The following ZCCHC4 variants were observed in gnomAD, a reference collection of about 807,000 sequenced individuals.
The protein encoded by ZCCHC4 is rRNA N(6)-adenosine-methyltransferase ZCCHC4.
A neutral mutation model predicts 67.7 loss-of-function variants in ZCCHC4; 54 were observed. The observed-to-expected ratio is 0.80, with a 90% CI of 0.64 to 1.00. The LOEUF (loss-of-function observed/expected upper bound fraction) is 1.00, where lower values mean the gene tolerates loss of function less well. Among genes scored for constraint, ZCCHC4 ranks in the 50% least tolerant of loss-of-function variants. ZCCHC4 has a pLI of 0.00. For synonymous variants in ZCCHC4, 198 were observed against 213.5 expected (o/e 0.93, Z 0.63); for missense variants, 609 against 617.0 (o/e 0.99, Z 0.14).
rs200547251 is a variant in ZCCHC4 at position 25,314,182 on chromosome 4, A to G, written c.246+18A>G. The G allele has an allele frequency of 1.5e-3, 2,213 of 1,517,948 alleles. 10 individuals are homozygous for G. The highest frequency in any genetic ancestry group is 1.6e-3 in the Non-Finnish European group (1,793 of 1,112,256). The allele number at this position is 1,517,948 out of a possible 1,614,324, so 94.0% of individuals were successfully genotyped here. On this transcript the variant is annotated intron_variant, in intron 2 of 12. Transcript: ENST00000302874. ...ATGAAAAGGTATATCAACTTTTTGG[A>G]TATTTATTTTTTATTTTTGGTATGT...
At chr4:25,352,167 C>T (rs1720330849) in intron 8 of ZCCHC4, 7 of 985,674 alleles carry the variant, frequency 7.1e-6, no homozygotes, top group Non-Finnish European at 8.4e-6. Context: ...TCAGAGAAGG[C>T]AGAGATGGCT....
chr4:25,349,057 T>C (rs1639877483), intron 6 of ZCCHC4, among the ~76,000 whole-genome samples: 1 of 152,214 alleles, frequency 6.6e-6, no homozygotes, highest in Non-Finnish European at 1.5e-5. Flanking sequence ...GTTATTAAAC[T>C]GAACTCATGG....
rs754020491 is a variant in ZCCHC4 at position 25,314,201 on chromosome 4, G to T, written c.246+37G>T. 79 of 1,397,194 alleles carry T rather than the reference G, an allele frequency of 5.7e-5. 1 individual carries two copies. The highest frequency in any genetic ancestry group is 5.5e-5 in the Non-Finnish European group (55 of 1,000,664). The allele number at this position is 1,397,194 out of a possible 1,614,324, so 86.5% of individuals were successfully genotyped here. A position where few individuals can be genotyped will look rare whatever the true frequency, so the allele number is the denominator to read the frequency against. On this transcript the variant is annotated intron_variant, in intron 2 of 12. Transcript: ENST00000302874. ...TTTTGGATATTTATTTTTTATTTTT[G>T]GTATGTGTGACAATTTTGTTGAGAA...
At chr4:25,313,994 G>A (rs73252577) in intron 1 of ZCCHC4, 52 bp from the exon 2 acceptor site, 78,738 of 1,170,528 alleles carry the variant, frequency 0.067, 3,714 homozygotes, top group East Asian at 0.19. Flanking sequence ...AGAACTTGAC[G>A]TAGATGACCA....
chr4:25,324,560 T>C (rs961505514), intron 3 of ZCCHC4, among the ~76,000 whole-genome samples: 2 of 152,226 alleles, frequency 1.3e-5, no homozygotes, highest in Non-Finnish European at 2.9e-5. Flanking sequence ...TTTATTTCTC[T>C]TGGGTAAATA....
chr4:25,362,334 A>T, intron 10 of ZCCHC4, 33 bp downstream of exon 10: 1 of 1,400,142 alleles, frequency 7.1e-7, no homozygotes, highest in Non-Finnish European at 9.7e-7. Context: ...ATTTTTATTT[A>T]GATATATTCA....
At chr4:25,344,597 A>C (rs1018859770) in intron 5 of ZCCHC4, among the ~76,000 whole-genome samples, 8 of 151,874 alleles carry the variant, frequency 5.3e-5, no homozygotes, top group Admixed American at 1.3e-4. Flanking sequence ...ATGTACCCTA[A>C]AACTTAAAGT....
intron 8 of ZCCHC4, among the ~76,000 whole-genome samples, chr4:25,360,865 C>CA (rs1323894319): frequency 6.6e-6 from 1 of 152,186 alleles, no homozygotes; most frequent in Non-Finnish European, 1.5e-5. Context: ...TGTTGCAGTC[C>CA]AACCTAGTAC....
Position 25,366,595 on chromosome 4 carries a change from C to A in ZCCHC4, c.1406+1429C>A, listed in dbSNP as rs554021685. ...CCTCCCCAAGTGCTGGGATTACAGGCGTGAGCCACCACGCCCAGCCTGAAG... is the reference window on the plus strand; with the variant it reads ...CCTCCCCAAGTGCTGGGATTACAGGAGTGAGCCACCACGCCCAGCCTGAAG... On this transcript the variant is annotated intron_variant, in intron 12 of 12. Transcript: ENST00000302874. Among the ~76,000 whole-genome samples the A allele has an allele frequency of 3.8e-3, 576 of 152,244 alleles. 3 individuals carry two copies. Among genetic ancestry groups the A allele is most frequent in the African/African-American group, 0.013 (555 of 41,560 alleles).
At chr4:25,315,483 T>C in intron 3 of ZCCHC4, 83 bp downstream of exon 3, 1 of 1,028,932 alleles carries the variant, frequency 9.7e-7, no homozygotes, top group Non-Finnish European at 1.4e-6. Flanking sequence ...TTAAGTTTAC[T>C]TTCATTTATT....
intron 5 of ZCCHC4, among the ~76,000 whole-genome samples, chr4:25,334,356 T>A (rs1259793867): frequency 6.6e-6 from 1 of 152,250 alleles, no homozygotes; most frequent in Non-Finnish European, 1.5e-5. Context: ...TTTCATTAGA[T>A]CTTTGAAGTG....
Position 25,369,052 on chromosome 4 carries a change from G to T in ZCCHC4, c.1430G>T (p.Arg477Ile). The T allele has an allele frequency of 6.2e-7, 1 of 1,611,160 alleles. No homozygotes were observed. Reference sequence around the variant, plus strand: ...AGAGCTGTCAGAAAGCAGAAGCAAAGAAAAAGTAATAAGATGAAAATGGAG... The same window carrying T: ...AGAGCTGTCAGAAAGCAGAAGCAAATAAAAAGTAATAAGATGAAAATGGAG... ...ANKAVRKQKQ[R>I]KSNKMKMETT... Residue 477 changes from arginine (R) to isoleucine (I), a missense_variant, in exon 13 of 13, where the codon AGA becomes ATA. Coordinates refer to ENST00000302874, the MANE Select transcript of ZCCHC4 (RefSeq NM_024936.3).
At chr4:25,331,838 A>G (rs753079407) in intron 3 of ZCCHC4, among the ~76,000 whole-genome samples, 1 of 152,212 alleles carries the variant, frequency 6.6e-6, no homozygotes, top group Admixed American at 6.5e-5. Context: ...AGAAACATTT[A>G]AATTACCGGC....
At chr4:25,315,831 G>A (rs560327825) in intron 3 of ZCCHC4, among the ~76,000 whole-genome samples, 2 of 151,268 alleles carry the variant, frequency 1.3e-5, no homozygotes, top group South Asian at 2.1e-4. Context: ...CTCCACCTCA[G>A]CCTCATGAGT....
At chr4:25,324,525 A>G (rs373701874) in intron 3 of ZCCHC4, among the ~76,000 whole-genome samples, 1 of 152,204 alleles carries the variant, frequency 6.6e-6, no homozygotes, top group South Asian at 2.1e-4. Context: ...ACATTTATGT[A>G]TATGTCCTTG....
At chr4:25,366,907 G>A (rs1308694320) in intron 12 of ZCCHC4, among the ~76,000 whole-genome samples, 2 of 152,120 alleles carry the variant, frequency 1.3e-5, no homozygotes, top group Admixed American at 6.6e-5. Context: ...ATCTTATCAG[G>A]TTTAATTCCA....
At chr4:25,327,611 C>G (rs530241919) in intron 3 of ZCCHC4, among the ~76,000 whole-genome samples, 81 of 152,282 alleles carry the variant, frequency 5.3e-4, no homozygotes, top group African/African-American at 1.9e-3. Context: ...TCCCCAGTAG[C>G]TGGGACTATA....
At chr4:25,349,712 T>C in intron 7 of ZCCHC4, 70 bp downstream of exon 7, 1 of 1,500,252 alleles carries the variant, frequency 6.7e-7, no homozygotes, top group Non-Finnish European at 9.1e-7. Context: ...TTAGCTGAGC[T>C]CAGTGAATCA....
chr4:25,328,557 C>T (rs1051486129), intron 3 of ZCCHC4, among the ~76,000 whole-genome samples: 1 of 151,384 alleles, frequency 6.6e-6, no homozygotes, highest in African/African-American at 2.4e-5. Flanking sequence ...TATCTTTTTT[C>T]CTCTGGTTTC....
Sources: gnomAD v4.1 joint callset for allele counts (sites outside exome capture counted in the v4.1 genomes callset) on GRCh38, gnomAD v4.1.1 for gene constraint, MANE v1.5 for transcripts, NCBI Gene and HGNC (gene_info 2026-07-23, HGNC 2026-07-21) for gene names.